CYRIB: variants seen among roughly 807,000 people sequenced by gnomAD.
CYRIB encodes the protein CYFIP-related Rac1 interactor B.
A neutral mutation model predicts 44.2 loss-of-function variants in CYRIB; 8 were observed. That is an observed-to-expected ratio of 0.18 (90% CI 0.11 to 0.33). The LOEUF (loss-of-function observed/expected upper bound fraction) is 0.33. Ranked by LOEUF, CYRIB falls within the 10% of genes least tolerant of loss-of-function variation. The pLI is 1.00. For synonymous variants in CYRIB, 131 were observed against 127.2 expected, an observed-to-expected ratio of 1.03 and a Z score of -0.20; for missense variants, 185 against 382.8, an observed-to-expected ratio of 0.48 and a Z score of 4.31.
At chr8:129,854,377 G>A (rs1428859909) in intron 6 of CYRIB, 34 bp from the exon 9 acceptor site, 1 of 1,469,396 alleles carries the variant, frequency 6.8e-7, no homozygotes, top group Non-Finnish European at 9.4e-7. Context: ...AAAATGTTAT[G>A]TACTAAATGC....
At chr8:129,929,958 A>G (rs2090231633) in intron 1 of CYRIB, among the ~76,000 whole-genome samples, 1 of 152,138 alleles carries the variant, frequency 6.6e-6, no homozygotes, top group Admixed American at 6.5e-5. Context: ...CATGCGTGCA[A>G]TCCCAGCACT....
chr8:129,897,546 G>C (rs1001853081), intron 2 of CYRIB, among the ~76,000 whole-genome samples: 5 of 150,460 alleles, frequency 3.3e-5, no homozygotes, highest in Non-Finnish European at 7.4e-5. Context: ...ATCAGATTAT[G>C]TATGTTCACA....
chr8:129,842,263 G>T, intron 11 of CYRIB, 58 bp from the exon 14 acceptor site: 1 of 1,236,138 alleles, frequency 8.1e-7, no homozygotes, highest in Non-Finnish European at 1.2e-6. Context: ...ATCAGCATCG[G>T]GTTCTCTAAT....
At chr8:129,940,704 ATG>A (rs1367553493), upstream of CYRIB, among the ~76,000 whole-genome samples, 2 of 152,184 alleles carry the variant, frequency 1.3e-5, no homozygotes, top group East Asian at 3.8e-4. Flanking sequence ...AGGGGAAAAG[ATG>A]ACAATGTTAT....
intron 1 of CYRIB, among the ~76,000 whole-genome samples, chr8:130,015,074 A>T (rs2097310611): frequency 6.6e-6 from 1 of 152,086 alleles, no homozygotes; most frequent in Non-Finnish European, 1.5e-5. Flanking sequence ...CCTTTTTCAC[A>T]AGGGAGTCAG....
rs559875363 is a variant in CYRIB, at chr8:129,884,310, C to T, written c.-10-4839G>A. Among the ~76,000 whole-genome samples, 62 of 152,042 alleles carry T rather than the reference C, an allele frequency of 4.1e-4. 1 individual carries two copies. The South Asian group carries it at 0.011, about 28-fold the overall frequency. ...AAAGGATTTAAGATTTTTTTTGAGA[C>T]GGGGTTTCACTCTTGTTGCCCAGAC... On this transcript the variant is annotated intron_variant, in intron 2 of 11. Coordinates refer to ENST00000519824, the Ensembl canonical transcript of CYRIB.
upstream of CYRIB, among the ~76,000 whole-genome samples, chr8:129,943,504 A>C (rs964977127): frequency 1.3e-5 from 2 of 150,036 alleles, no homozygotes; most frequent in Admixed American, 1.3e-4. Flanking sequence ...CTGAGGTGGG[A>C]GAATTGCTTG....
exon 12 of CYRIB, chr8:129,842,086 C>T: frequency 1.6e-6 from 2 of 1,284,518 alleles, no homozygotes; most frequent in Non-Finnish European, 2.2e-6. Flanking sequence ...AAACTGCATT[C>T]TCAGTCATTG....
At chr8:129,984,783 T>C (rs900208656) in intron 1 of CYRIB, among the ~76,000 whole-genome samples, 1 of 152,102 alleles carries the variant, frequency 6.6e-6, no homozygotes, top group Non-Finnish European at 1.5e-5. Context: ...TGTTTTTGTT[T>C]TTGTTTTTTT....
intron 2 of CYRIB, among the ~76,000 whole-genome samples, chr8:129,953,224 A>G (rs1316413014): frequency 6.6e-6 from 1 of 152,214 alleles, no homozygotes; most frequent in African/African-American, 2.4e-5. Flanking sequence ...TGTAAAATTA[A>G]AGGGCTAGAA....
At chr8:129,872,440 T>C (rs1564430219) in intron 3 of CYRIB, among the ~76,000 whole-genome samples, 2 of 152,124 alleles carry the variant, frequency 1.3e-5, no homozygotes, top group East Asian at 1.9e-4. Flanking sequence ...TCTGCTTGAC[T>C]CAAGTTAACA....
At chr8:130,010,649 C>T (rs965273172) in intron 1 of CYRIB, among the ~76,000 whole-genome samples, 6 of 152,222 alleles carry the variant, frequency 3.9e-5, no homozygotes, top group African/African-American at 1.4e-4. Context: ...CCTGCTCCCA[C>T]TGTCACCTGT....
intron 1 of CYRIB, among the ~76,000 whole-genome samples, chr8:129,905,420 T>C (rs1245567285): frequency 6.6e-6 from 1 of 152,194 alleles, no homozygotes; most frequent in Non-Finnish European, 1.5e-5. Context: ...GGTTTCACCA[T>C]GTTAGCCAGG....
intron 1 of CYRIB, among the ~76,000 whole-genome samples, chr8:129,971,757 C>T (rs537177360): frequency 2.0e-5 from 3 of 152,314 alleles, no homozygotes; most frequent in Non-Finnish European, 2.9e-5. Flanking sequence ...GAATCACTTC[C>T]TGTTTCAGGT....
At chr8:129,900,597 G>A (rs768110904) in intron 2 of CYRIB, among the ~76,000 whole-genome samples, 10 of 152,152 alleles carry the variant, frequency 6.6e-5, no homozygotes, top group Admixed American at 1.3e-4. Flanking sequence ...AATTATCAGA[G>A]CACTACTATT....
intron 1 of CYRIB, among the ~76,000 whole-genome samples, chr8:129,972,410 CTACAA>C (rs2095736860): frequency 6.6e-6 from 1 of 152,020 alleles, no homozygotes; most frequent in Admixed American, 6.6e-5. Flanking sequence ...GCTCTCGTCT[CTACAA>C]ACAATTTAAA....
In CYRIB at chr8:130,000,267, GT is replaced by G. The variant is rs750301726; in HGVS notation, c.-296+16102del. On this transcript the variant is annotated intron_variant, in intron 1 of 14. Coordinates refer to the CYRIB transcript ENST00000401979. ...GGGGAAGACAATGAGCAAACCTAGG[GT>G]TTTTTCTGGACATTCAATAAATGCC... 1.8e-4 allele frequency among the ~76,000 whole-genome samples: 27 copies of G among 152,284 alleles called. No homozygotes were observed. The East Asian group carries it at 2.7e-3, about 15-fold the overall frequency.
chr8:129,869,909 T>C (rs1367623004), intron 4 of CYRIB, among the ~76,000 whole-genome samples: 1 of 149,926 alleles, frequency 6.7e-6, no homozygotes, highest in Non-Finnish European at 1.5e-5. Context: ...AAAAAAGGAA[T>C]GGTTCCCACA....
At chr8:129,875,773 T>C (rs1228327171) in intron 3 of CYRIB, among the ~76,000 whole-genome samples, 2 of 152,116 alleles carry the variant, frequency 1.3e-5, no homozygotes, top group African/African-American at 2.4e-5. Context: ...GTTCAAAACA[T>C]TCTAATTCAC....
Sources: allele counts gnomAD v4.1 joint callset (sites outside exome capture counted in the v4.1 genomes callset), GRCh38; gene constraint gnomAD v4.1.1; transcripts MANE v1.5; gene names NCBI Gene and HGNC (gene_info 2026-07-23, HGNC 2026-07-21).